The following HSD17B7 variants were observed in gnomAD, a reference collection of about 807,000 sequenced individuals.
The protein encoded by HSD17B7 is 3-keto-steroid reductase/17-beta-hydroxysteroid dehydrogenase 7.
In HSD17B7, 17 loss-of-function variants were observed where a neutral mutation model predicts 34.1. The observed-to-expected ratio is 0.50, with a 90% CI of 0.34 to 0.75. The LOEUF is 0.75. HSD17B7 is among the 30% of genes least tolerant of loss of function. The probability of loss-of-function intolerance (pLI) is 0.01; values close to 1 mark genes in which losing one functional copy is unlikely to be tolerated. For synonymous variants in HSD17B7, 122 were observed against 154.6 expected, an observed-to-expected ratio of 0.79 and a Z score of 1.56; for missense variants, 296 against 406.6, an observed-to-expected ratio of 0.73 and a Z score of 2.34.
intron 8 of HSD17B7, among the ~76,000 whole-genome samples, chr1:162,806,586 A>G (rs1480232692): frequency 6.6e-6 from 1 of 152,242 alleles, no homozygotes; most frequent in Non-Finnish European, 1.5e-5. Flanking sequence ...TGTGTGAAAT[A>G]TTTTATCCTG....
intron 8 of HSD17B7, among the ~76,000 whole-genome samples, chr1:162,807,417 A>G (rs545406956): frequency 6.6e-6 from 1 of 152,364 alleles, no homozygotes; most frequent in African/African-American, 2.4e-5. Flanking sequence ...TACTGTGAAT[A>G]GTGCCGCAGT....
intron 8 of HSD17B7, among the ~76,000 whole-genome samples, chr1:162,809,177 A>T (rs1162680030): frequency 6.6e-6 from 1 of 152,170 alleles, no homozygotes; most frequent in Non-Finnish European, 1.5e-5. Flanking sequence ...TTTTAGCATG[A>T]AGAGTTGTTG....
chr1:162,804,804 G>A (rs553882948), intron 7 of HSD17B7, among the ~76,000 whole-genome samples: 9 of 152,300 alleles, frequency 5.9e-5, no homozygotes, highest in South Asian at 2.1e-4. Context: ...TAAATCACAC[G>A]TGGCAAATGG....
At chr1:162,792,077 C>A (rs1648426798) in intron 1 of HSD17B7, among the ~76,000 whole-genome samples, 1 of 152,118 alleles carries the variant, frequency 6.6e-6, no homozygotes, top group Non-Finnish European at 1.5e-5. Flanking sequence ...ATGTTGAGTT[C>A]TTTCTTTTTC....
intron 4 of HSD17B7, 63 bp downstream of exon 4, chr1:162,797,979 C>T (rs1329910338): frequency 6.3e-7 from 1 of 1,576,000 alleles, no homozygotes; most frequent in East Asian, 2.3e-5. Context: ...AAGCTCTGGG[C>T]ACAGGGCATT....
intron 2 of HSD17B7, chr1:162,795,630 G>A: frequency 4.4e-6 from 2 of 459,448 alleles, no homozygotes; most frequent in South Asian, 3.1e-5. Flanking sequence ...GGATGATCAA[G>A]AAATGGTTGT....
At chr1:162,801,552 G>T (rs1464769335) in intron 5 of HSD17B7, among the ~76,000 whole-genome samples, 1 of 152,160 alleles carries the variant, frequency 6.6e-6, no homozygotes, top group Non-Finnish European at 1.5e-5. Context: ...ATGAGTGTGG[G>T]TATGTATTTG....
chr1:162,797,610 G>T (rs1413669251), intron 3 of HSD17B7, 192 bp from the exon 4 acceptor site: 8 of 601,234 alleles, frequency 1.3e-5, no homozygotes, highest in South Asian at 8.5e-5. Flanking sequence ...GTGAATTAGT[G>T]GGGGGAAGGA....
At chr1:162,801,742 A>G (rs1161939380) in intron 5 of HSD17B7, among the ~76,000 whole-genome samples, 1 of 152,054 alleles carries the variant, frequency 6.6e-6, no homozygotes, top group Non-Finnish European at 1.5e-5. Flanking sequence ...TGGACTCAGC[A>G]TGTTGGCCCA....
rs188951440 is a variant in HSD17B7, at chr1:162,792,492, A to G, written c.36-167A>G. ...TAGGCTGTGTCTCAAGCAAGTGACTATTGGAGTGTAGGATTCCTCCCTTCT... is the reference window on the plus strand; with the variant it reads ...TAGGCTGTGTCTCAAGCAAGTGACTGTTGGAGTGTAGGATTCCTCCCTTCT... On this transcript the variant is annotated intron_variant, in intron 1 of 8. Coordinates refer to ENST00000254521, the MANE Select transcript of HSD17B7 (RefSeq NM_016371.4). 1,263 of 785,150 alleles carry G rather than the reference A, an allele frequency of 1.6e-3. 9 individuals are homozygous for G. In the African/African-American group the frequency reaches 0.019, roughly 12 times the overall value. 48.6% of individuals were successfully genotyped at this position (785,150 alleles called of 1,614,324 possible).
chr1:162,805,748 T>G (rs1315615239), intron 8 of HSD17B7, among the ~76,000 whole-genome samples: 1 of 152,214 alleles, frequency 6.6e-6, no homozygotes, highest in Admixed American at 6.5e-5. Context: ...CCATAGCCTT[T>G]AGTGACCCTG....
At chr1:162,798,558 A>T (rs968987769) in intron 4 of HSD17B7, 1 of 153,438 alleles carries the variant, frequency 6.5e-6, no homozygotes, top group Non-Finnish European at 1.5e-5. Flanking sequence ...TGACATTCTC[A>T]TGACATCATA....
At chr1:162,809,085 G>A (rs530419170) in intron 8 of HSD17B7, among the ~76,000 whole-genome samples, 1,852 of 152,270 alleles carry the variant, frequency 0.012, 29 homozygotes, top group African/African-American at 0.042. Flanking sequence ...TGCCCATTCA[G>A]TATGATATTG....
chr1:162,812,298 A>T lies in HSD17B7; in HGVS notation c.904A>T (p.Met302Leu). ...FGRNYIMTQKMDLDEDTAEKF... is the reference protein window; with the variant it reads ...FGRNYIMTQKLDLDEDTAEKF... ...ATCTCTATTTTTGCTTCTTTTCCAG[A>T]TGGACCTAGATGAAGACACTGCTGA... The change falls in exon 9 of 9, where the codon ATG (methionine) becomes TTG (leucine). Residue 302 changes from methionine to leucine, a missense_variant and splice_region_variant. Physicochemically the swap from Met to Leu is conservative, Grantham distance 15 (BLOSUM62 2). Transcript: ENST00000254521. The T allele has an allele frequency of 6.2e-7, 1 of 1,611,408 alleles. No homozygotes were observed. The highest frequency in any genetic ancestry group is 2.2e-5 in the East Asian group (1 of 44,856).
chr1:162,798,943 G>A (rs1648714023), intron 4 of HSD17B7: 2 of 279,704 alleles, frequency 7.2e-6, no homozygotes, highest in South Asian at 2.7e-5. Context: ...GTGGTGAGCC[G>A]AGGTCATGCC....
At chr1:162,795,003 T>C (rs1648553629) in intron 2 of HSD17B7, among the ~76,000 whole-genome samples, 3 of 152,228 alleles carry the variant, frequency 2.0e-5, no homozygotes, top group Non-Finnish European at 2.9e-5. Context: ...AGCATTTTAG[T>C]GAAGTTTTGA....
At chr1:162,810,626 G>A (rs1398744536) in intron 8 of HSD17B7, among the ~76,000 whole-genome samples, 1 of 149,010 alleles carries the variant, frequency 6.7e-6, no homozygotes, top group African/African-American at 2.5e-5. Context: ...TTATGAATCT[G>A]GGTGCTCCTG....
intron 8 of HSD17B7, among the ~76,000 whole-genome samples, chr1:162,808,063 A>G (rs1460091503): frequency 6.6e-6 from 1 of 152,122 alleles, no homozygotes; most frequent in Non-Finnish European, 1.5e-5. Context: ...CCTGAATAGT[A>G]TTGCCTAGGT....
intron 2 of HSD17B7, among the ~76,000 whole-genome samples, chr1:162,795,335 G>C (rs1216474220): frequency 6.6e-6 from 1 of 152,132 alleles, no homozygotes; most frequent in Admixed American, 6.5e-5. Flanking sequence ...TAGTGATGCT[G>C]TTTTATCCAT....
Sources: gnomAD v4.1 joint callset for allele counts (sites outside exome capture counted in the v4.1 genomes callset) on GRCh38, gnomAD v4.1.1 for gene constraint, MANE v1.5 for transcripts, NCBI Gene and HGNC (gene_info 2026-07-23, HGNC 2026-07-21) for gene names.